The following LAMA4 variants were observed in gnomAD, a reference collection of about 807,000 sequenced individuals.
The protein encoded by LAMA4 is laminin subunit alpha-4.
LAMA4 carries 127 observed loss-of-function variants against 207.1 expected under a neutral mutation model. The observed-to-expected ratio is 0.61, with a 90% CI of 0.53 to 0.71. The LOEUF (loss-of-function observed/expected upper bound fraction) is 0.71, where lower values mean the gene tolerates loss of function less well. LAMA4 is among the 30% of genes least tolerant of loss of function. The probability of loss-of-function intolerance (pLI) is 0.00; values close to 1 mark genes in which losing one functional copy is unlikely to be tolerated. For synonymous variants in LAMA4, 761 were observed against 816.0 expected, an observed-to-expected ratio of 0.93 and a Z score of 1.15; for missense variants, 2,093 against 2,246.5, an observed-to-expected ratio of 0.93 and a Z score of 1.38.
intron 2 of LAMA4, among the ~76,000 whole-genome samples, chr6:112,252,956 C>T (rs1584032262): frequency 6.6e-6 from 1 of 152,130 alleles, no homozygotes; most frequent in Non-Finnish European, 1.5e-5. Flanking sequence ...TGTTCATGCA[C>T]CTTATTTTTA....
Position 112,139,857 on chromosome 6 carries a change from A to G in LAMA4, c.3005T>C (p.Phe1002Ser). 6.2e-7 allele frequency: 1 copy of G among 1,614,102 alleles called. No individual in the cohort carries two copies. Among genetic ancestry groups the G allele is most frequent in the Non-Finnish European group, 8.5e-7 (1 of 1,179,970 alleles). Residue 1002 changes from phenylalanine (F) to serine (S), a missense_variant, in exon 23 of 39, where the codon TTT (phenylalanine) becomes TCT (serine). By Grantham distance (155) the Phe-to-Ser change is radical (BLOSUM62 -2). Coordinates refer to ENST00000230538, the MANE Select transcript of LAMA4 (RefSeq NM_001105206.3). Reference protein sequence around the residue: ...KLPTSLNLPGFVGCLELATLN... With the variant: ...KLPTSLNLPGSVGCLELATLN... ...AGTGGCCAGTTCCAGGCAGCCAACA[A>G]AGCCAGGCAGGTTTAAGCTGGTAGG...
At chr6:112,166,136 T>G (rs1490772100) in intron 12 of LAMA4, 1 of 152,194 alleles carries the variant, frequency 6.6e-6, no homozygotes, top group East Asian at 1.9e-4. Context: ...GAAGCCTAGA[T>G]AGAGAAGGAA....
Position 112,119,056 on chromosome 6 carries a change from G to A in LAMA4, c.4821+100C>T, listed in dbSNP as rs1554325103. ...TTTCCAGAAAACTACAGTTTTACTG[G>A]TGCTAGTTTCTAGTTTCCTAATCTG... is the stretch of plus-strand genomic sequence containing the variant. On this transcript the variant is annotated intron_variant, in intron 34 of 38. Coordinates refer to ENST00000230538, the MANE Select transcript of LAMA4 (RefSeq NM_001105206.3). The A allele has an allele frequency of 8.3e-6, 10 of 1,199,040 alleles. No individual in the cohort carries two copies. In the East Asian group the frequency reaches 1.7e-4, roughly 20 times the overall value. 74.3% of individuals were successfully genotyped at this position (1,199,040 alleles called of 1,614,324 possible).
At chr6:112,184,616 T>G (rs1331957456) in intron 9 of LAMA4, among the ~76,000 whole-genome samples, 1 of 152,216 alleles carries the variant, frequency 6.6e-6, no homozygotes, top group African/African-American at 2.4e-5. Flanking sequence ...CAAATCTATC[T>G]TTTTATTGAA....
At chr6:112,189,555 T>C (rs888924510) in intron 6 of LAMA4, among the ~76,000 whole-genome samples, 1 of 152,198 alleles carries the variant, frequency 6.6e-6, no homozygotes, top group Non-Finnish European at 1.5e-5. Flanking sequence ...GAGCTCATCA[T>C]TCAACTGGAA....
intron 3 of LAMA4, among the ~76,000 whole-genome samples, chr6:112,215,888 T>C (rs554498159): frequency 5.3e-5 from 8 of 152,242 alleles, no homozygotes; most frequent in Non-Finnish European, 1.2e-4. Flanking sequence ...TTCATTTTCA[T>C]CAGCTATTGG....
Position 112,108,447 on chromosome 6 carries a change from C to T in LAMA4, c.*990G>A, listed in dbSNP as rs1417270148. Among the ~76,000 whole-genome samples, 1 of 152,168 alleles carries T rather than the reference C, an allele frequency of 6.6e-6. No individual in the cohort carries two copies. The highest frequency in any genetic ancestry group is 1.5e-5 in the Non-Finnish European group (1 of 68,040). ...ACTTTGTTTTTGAGACAGGATCTCA[C>T]TCTGTTGCCCAGGCTGGAGTGCAGG... On this transcript the variant is annotated 3_prime_UTR_variant, in exon 39 of 39. Coordinates refer to ENST00000230538, the MANE Select transcript of LAMA4 (RefSeq NM_001105206.3).
In LAMA4 at chr6:112,154,908, C is replaced by T; in HGVS notation, c.1999G>A (p.Asp667Asn). The T allele has an allele frequency of 6.2e-7, 1 of 1,613,526 alleles. No homozygotes were observed. Among genetic ancestry groups the T allele is most frequent in the Non-Finnish European group, 8.5e-7 (1 of 1,179,530 alleles). Residue 667 changes from aspartate (D) to asparagine (N), a missense_variant, in exon 16 of 39, where the codon GAT becomes AAT. This residue lies in a region of LAMA4 where 1,704 missense variants were observed against 1,788.4 expected (regional missense o/e 0.95). Coordinates refer to ENST00000230538, the MANE Select transcript of LAMA4 (RefSeq NM_001105206.3). ...TGATTGAGGAGGTTCTCACTTTCAT[C>T]TTTATGGTAAATGATTTGAGTATCA... ...GIDTQIIYHK[D>N]ESENLLNQAR...
intron 12 of LAMA4, among the ~76,000 whole-genome samples, chr6:112,166,027 T>C (rs1554339833): frequency 6.6e-6 from 1 of 152,192 alleles, no homozygotes. Flanking sequence ...ATTTTACAAT[T>C]TGAGTGAAAA....
rs782462144 is a variant in LAMA4 at position 112,189,186 on chromosome 6, G to C, written c.738C>G (p.Gly246=). ...ATTCTCCGGTTACACTGTCACATGG[G>C]CCTCCCCCGCAGTTGCACACTGTGG... The part of the protein sequence containing the change: ...KNCAVCNCGG[G]PCDSVTGECL... Residue 246 remains glycine, a synonymous_variant, in exon 7 of 39, where the codon GGC becomes GGG. Coordinates refer to ENST00000230538, the MANE Select transcript of LAMA4 (RefSeq NM_001105206.3). The C allele has an allele frequency of 3.1e-6, 5 of 1,613,754 alleles. No homozygotes were observed. Among genetic ancestry groups the C allele is most frequent in the Non-Finnish European group, 3.4e-6 (4 of 1,179,824 alleles).
At chr6:112,158,000 CTTATT>C (rs1554337400) in intron 14 of LAMA4, 1 of 152,156 alleles carries the variant, frequency 6.6e-6, no homozygotes, top group Non-Finnish European at 1.5e-5. Flanking sequence ...AATATTGGTT[CTTATT>C]TTATTAATGA....
intron 12 of LAMA4, among the ~76,000 whole-genome samples, chr6:112,166,907 C>T (rs1345224680): frequency 6.6e-6 from 1 of 152,132 alleles, no homozygotes; most frequent in Non-Finnish European, 1.5e-5. Context: ...ACAACAGCAA[C>T]AGCAACAGCA....
At chr6:112,150,397 A>G (rs1247074845) in intron 17 of LAMA4, 114 bp downstream of exon 17, 4 of 815,012 alleles carry the variant, frequency 4.9e-6, no homozygotes, top group Middle Eastern at 4.4e-4. Context: ...ATCAGAAAAT[A>G]ACATTTATGT....
chr6:112,254,484 T>C lies in LAMA4; in HGVS notation c.-167A>G. ...AGTACGGCATCAAAAGGCAGACGGA[T>C]TGGGGTGAGCCCCGCCAGCGCTAGG... On this transcript the variant is annotated 5_prime_UTR_variant, in exon 1 of 39. Transcript: ENST00000230538. 1.7e-5 allele frequency: 7 copies of C among 401,052 alleles called. No individual in the cohort carries two copies. The highest frequency in any genetic ancestry group is 3.8e-5 in the Admixed American group (1 of 26,468). The allele number at this position is 401,052 out of a possible 1,614,324, so 24.8% of individuals were successfully genotyped here.
At chr6:112,254,325 G>A in intron 1 of LAMA4, 34 bp from the exon 2 acceptor site, 1 of 722,670 alleles carries the variant, frequency 1.4e-6, no homozygotes, top group Non-Finnish European at 2.4e-6. Flanking sequence ...GAGAGTAAGG[G>A]AGAGTTCCAG....
intron 12 of LAMA4, among the ~76,000 whole-genome samples, chr6:112,169,874 C>T (rs569731657): frequency 5.3e-5 from 8 of 152,332 alleles, no homozygotes; most frequent in African/African-American, 1.9e-4. Context: ...CAACACTGTC[C>T]TCTTGCTTGT....
chr6:112,172,619 C>G lies in LAMA4; in HGVS notation c.1543G>C (p.Asp515His). Reference protein sequence around the residue: ...MNRATAARQRDHEKQQERVRE... With the variant: ...MNRATAARQRHHEKQQERVRE... Reference sequence around the variant, plus strand: ...GTGAGTGTCCGCTGTACCTCATGGTCCCGCTGCCTGGCTGCTGTGGCCCTG... The same window carrying G: ...GTGAGTGTCCGCTGTACCTCATGGTGCCGCTGCCTGGCTGCTGTGGCCCTG... Residue 515 changes from aspartate to histidine, a missense_variant, in exon 12 of 39, where the codon GAC becomes CAC. This residue lies in a region of LAMA4 where 1,704 missense variants were observed against 1,788.4 expected (regional missense o/e 0.95). Coordinates refer to ENST00000230538, the MANE Select transcript of LAMA4 (RefSeq NM_001105206.3). The G allele has an allele frequency of 1.9e-6, 3 of 1,612,764 alleles. No homozygotes were observed. In the South Asian group the frequency reaches 3.3e-5, roughly 18 times the overall value.
intron 14 of LAMA4, 121 bp downstream of exon 14, chr6:112,158,611 G>A (rs1399207763): frequency 2.0e-6 from 2 of 1,011,210 alleles, no homozygotes; most frequent in East Asian, 4.9e-5. Flanking sequence ...CAACACATAA[G>A]CATACCCAAC....
chr6:112,121,929 A>G (rs1554326247), intron 32 of LAMA4, 85 bp downstream of exon 32: 2 of 1,198,124 alleles, frequency 1.7e-6, no homozygotes, highest in African/African-American at 3.0e-5. Flanking sequence ...GAAAGGAAAG[A>G]TGGGAAAAAA....
Sources: gnomAD v4.1 joint callset for allele counts (sites outside exome capture counted in the v4.1 genomes callset) on GRCh38, gnomAD v4.1.1 for gene constraint, gnomAD v4.1.1 regional missense constraint, MANE v1.5 for transcripts, NCBI Gene and HGNC (gene_info 2026-07-23, HGNC 2026-07-21) for gene names.